Variants in DNAAF6 observed in about 807,000 individuals in gnomAD.
The protein encoded by DNAAF6 is dynein axonemal assembly factor 6, also known as PIH1 domain containing 3.
In DNAAF6, 3 loss-of-function variants were observed where a neutral mutation model predicts 13.7. That is an observed-to-expected ratio of 0.22 (90% confidence interval 0.10 to 0.56). The LOEUF (loss-of-function observed/expected upper bound fraction) is 0.56. DNAAF6 is among the 20% of genes least tolerant of loss of function. DNAAF6 has a pLI of 0.92. For missense variants in DNAAF6, 130 were observed against 151.0 expected (o/e 0.86, Z 0.73); for synonymous variants, 54 against 49.2 (o/e 1.10, Z -0.41).
Position 107,239,068 on chromosome X carries a change from TA to T in DNAAF6, c.515+62del, listed in dbSNP as rs1928577563. ...ATATTAAAGAGTCTTCAGTCAATAT[TA>T]TTTTTTAAAATGTACAGTTATTTTG... On this transcript the variant is annotated intron_variant, in intron 6 of 6. Coordinates refer to ENST00000372453, the MANE Select transcript of DNAAF6 (RefSeq NM_173494.2). The T allele has an allele frequency of 5.4e-6, 6 of 1,109,836 alleles. No individual in the cohort carries two copies. The South Asian group carries it at 1.5e-4, about 28-fold the overall frequency. 91.5% of individuals were successfully genotyped at this position (1,109,836 alleles called of 1,213,427 possible). A position where few individuals can be genotyped will look rare whatever the true frequency, so the allele number is the denominator to read the frequency against.
intron 2 of DNAAF6, among the ~76,000 whole-genome samples, chrX:107,215,475 T>TA (rs1408832482): frequency 1.8e-5 from 2 of 111,950 alleles, no homozygotes; most frequent in East Asian, 5.6e-4. Flanking sequence ...ATGTCCCAAA[T>TA]ATTATCTTGG....
intron 5 of DNAAF6, among the ~76,000 whole-genome samples, chrX:107,233,672 T>C (rs1020688644): frequency 9.1e-6 from 1 of 109,861 alleles, no homozygotes; most frequent in African/African-American, 3.3e-5. Flanking sequence ...AGGCCCAGTG[T>C]TATAAAGGAA....
chrX:107,239,326 T>G (rs1309769597), intron 6 of DNAAF6, among the ~76,000 whole-genome samples: 1 of 112,167 alleles, frequency 8.9e-6, no homozygotes. Flanking sequence ...GTCTTATATG[T>G]GGTTTTTGTA....
At chrX:107,222,420 A>T (rs753116530) in intron 4 of DNAAF6, among the ~76,000 whole-genome samples, 1 of 111,613 alleles carries the variant, frequency 9.0e-6, no homozygotes, top group African/African-American at 3.3e-5. Context: ...TCAGGAACAG[A>T]CTTTCCTTTT....
intron 5 of DNAAF6, among the ~76,000 whole-genome samples, chrX:107,234,346 T>A (rs1341793659): frequency 8.9e-6 from 1 of 112,384 alleles, no homozygotes; most frequent in East Asian, 2.8e-4. Flanking sequence ...TTTAATTTTT[T>A]AAAATTTTCC....
chrX:107,240,371 C>G (rs182655862), intron 6 of DNAAF6, among the ~76,000 whole-genome samples: 10 of 111,697 alleles, frequency 9.0e-5, no homozygotes, highest in African/African-American at 2.9e-4. Flanking sequence ...TTCCTAAATA[C>G]TTGAGAATCC....
chrX:107,237,811 G>A (rs574781703), intron 5 of DNAAF6, among the ~76,000 whole-genome samples: 16 of 111,471 alleles, frequency 1.4e-4, no homozygotes, highest in East Asian at 1.4e-3. Context: ...GGGAAACCCC[G>A]TCTACTAAAA....
At chrX:107,221,147 G>A (rs1928129587) in intron 4 of DNAAF6, among the ~76,000 whole-genome samples, 1 of 109,747 alleles carries the variant, frequency 9.1e-6, no homozygotes, top group Admixed American at 9.8e-5. Context: ...AATGTTTTTT[G>A]TGTTTTTTGT....
rs1196549953 is a variant in DNAAF6, at chrX:107,225,905, T to G, written c.429+3064T>G. 2.7e-5 allele frequency among the ~76,000 whole-genome samples: 3 copies of G among 112,095 alleles called. No homozygotes were observed. In the Admixed American group the frequency reaches 2.9e-4, roughly 11 times the overall value. On this transcript the variant is annotated intron_variant, in intron 5 of 6. Transcript: ENST00000372453. ...AAGTTTCCCTTGCCTTAATCTATAT[T>G]TAGGTATTTTAGAGCTAGAGCTAGC...
At chrX:107,234,242 G>C (rs762229953) in intron 5 of DNAAF6, among the ~76,000 whole-genome samples, 1 of 112,035 alleles carries the variant, frequency 8.9e-6, no homozygotes, top group Admixed American at 9.4e-5. Context: ...ATGACCTATT[G>C]GGCCTTTGCC....
At chrX:107,229,583 C>G (rs1928337497) in intron 5 of DNAAF6, among the ~76,000 whole-genome samples, 1 of 110,849 alleles carries the variant, frequency 9.0e-6, no homozygotes, top group Non-Finnish European at 1.9e-5. Flanking sequence ...CTTAAGTTCT[C>G]TGGAGATTTG....
chrX:107,232,939 G>A (rs1198463334), intron 5 of DNAAF6, among the ~76,000 whole-genome samples: 5 of 110,125 alleles, frequency 4.5e-5, no homozygotes, highest in Non-Finnish European at 9.5e-5. Context: ...ACGGGGTTTC[G>A]CCATGTTGCC....
chrX:107,226,695 C>T (rs1271319014), intron 5 of DNAAF6, among the ~76,000 whole-genome samples: 1 of 111,867 alleles, frequency 8.9e-6, no homozygotes. Flanking sequence ...AGGGGAAAGG[C>T]AGCTTGCAGA....
chrX:107,208,512 C>T (rs1186132421), intron 1 of DNAAF6, among the ~76,000 whole-genome samples: 1 of 109,844 alleles, frequency 9.1e-6, no homozygotes, highest in East Asian at 2.8e-4. Context: ...ATGACTAAAA[C>T]AGAGGAAATA....
chrX:107,227,678 A>G (rs756245650), intron 5 of DNAAF6, among the ~76,000 whole-genome samples: 3 of 111,513 alleles, frequency 2.7e-5, no homozygotes, highest in South Asian at 3.8e-4. Flanking sequence ...ATACATTTAT[A>G]GTTAATGTCA....
intron 4 of DNAAF6, among the ~76,000 whole-genome samples, chrX:107,221,910 C>CATA (rs35475398): frequency 0.17 from 16,429 of 98,268 alleles, 1,347 homozygotes; most frequent in Non-Finnish European, 0.21. Context: ...TAGCATTAAG[C>CATA]ATAATAATAA....
At chrX:107,236,845 G>A (rs761776563) in intron 5 of DNAAF6, among the ~76,000 whole-genome samples, 10 of 111,829 alleles carry the variant, frequency 8.9e-5, no homozygotes, top group South Asian at 3.7e-4. Flanking sequence ...AACATGTGAC[G>A]TTAAAGATCT....
intron 1 of DNAAF6, among the ~76,000 whole-genome samples, chrX:107,211,054 G>T (rs1481976724): frequency 9.0e-6 from 1 of 111,611 alleles, no homozygotes; most frequent in Admixed American, 9.5e-5. Context: ...TTCCTAAAAA[G>T]TCCTCCTGTT....
At chrX:107,209,311 T>A (rs767386963) in intron 1 of DNAAF6, among the ~76,000 whole-genome samples, 34 of 112,146 alleles carry the variant, frequency 3.0e-4, no homozygotes, top group African/African-American at 1.0e-3. Flanking sequence ...GCAGAAGAAA[T>A]GCCAAATTTA....
Sources: gnomAD v4.1 joint callset for allele counts (sites outside exome capture counted in the v4.1 genomes callset) on GRCh38, gnomAD v4.1.1 for gene constraint, MANE v1.5 for transcripts, NCBI Gene and HGNC (gene_info 2026-07-23, HGNC 2026-07-21) for gene names.